TENM3: variants seen among roughly 807,000 people sequenced by gnomAD.
TENM3 encodes the protein teneurin-3.
Under a neutral mutation model 255.1 loss-of-function variants are expected in TENM3, and 63 were observed. That is an observed-to-expected ratio of 0.25 (90% confidence interval 0.20 to 0.30). The LOEUF is 0.30. Ranked by LOEUF, TENM3 falls within the 10% of genes least tolerant of loss-of-function variation. The pLI, the probability that TENM3 is intolerant of heterozygous loss-of-function variation, is 1.00. For synonymous variants in TENM3, 1,306 were observed against 1,322.3 expected, an observed-to-expected ratio of 0.99 and a Z score of 0.27; for missense variants, 2,929 against 3,461.1, an observed-to-expected ratio of 0.85 and a Z score of 3.86.
the TENM3 span, among the ~76,000 whole-genome samples, chr4:181,806,797 C>A: frequency 6.6e-6 from 1 of 152,246 alleles, no homozygotes; most frequent in African/African-American, 2.4e-5. Flanking sequence ...TAAGATACCA[C>A]GTAATAGGAG....
chr4:182,324,897 T>C (rs1437680173), intron 2 of TENM3, among the ~76,000 whole-genome samples: 1 of 152,178 alleles, frequency 6.6e-6, no homozygotes, highest in Non-Finnish European at 1.5e-5. Context: ...TTTTACACTG[T>C]TTTTGGCCTG....
chr4:182,511,407 A>G (rs1204298856), intron 3 of TENM3, among the ~76,000 whole-genome samples: 1 of 152,166 alleles, frequency 6.6e-6, no homozygotes, highest in Non-Finnish European at 1.5e-5. Flanking sequence ...TTATGGAATC[A>G]TGGCAGCTGC....
At chr4:181,843,433 G>A in the TENM3 span, among the ~76,000 whole-genome samples, 1 of 152,150 alleles carries the variant, frequency 6.6e-6, no homozygotes, top group African/African-American at 2.4e-5. Context: ...ACTTCTGTAT[G>A]ATATTGAATC....
At chr4:182,443,089 T>C (rs1772635875) in intron 3 of TENM3, among the ~76,000 whole-genome samples, 1 of 152,124 alleles carries the variant, frequency 6.6e-6, no homozygotes, top group South Asian at 2.1e-4. Flanking sequence ...ATGGTCCAGA[T>C]TGAAGAATTT....
At position 182,792,672 on chromosome 4, in the gene TENM3, T is replaced by TGACA. The variant is rs1406133608; in HGVS notation, c.6002_6005dup (p.Ile2004AlafsTer6). The TGACA allele has an allele frequency of 6.2e-7, 1 of 1,613,858 alleles. No homozygotes were observed. Among genetic ancestry groups the TGACA allele is most frequent in the Non-Finnish European group, 8.5e-7 (1 of 1,179,898 alleles). ...GATACAGGCAAATTGGTCCCCTGAT[T>TGACA]GACAGGCAGATTTTCCGCTTTAGTG... On this transcript the variant is annotated frameshift_variant, in exon 26 of 28. Transcript: ENST00000511685. LOFTEE classifies it high-confidence loss of function. This position sits in a 1 kb window ranked among gnomAD's most constrained non-coding sequence, Gnocchi z 6.3.
At chr4:181,618,522 G>C in the TENM3 span, among the ~76,000 whole-genome samples, 1 of 152,324 alleles carries the variant, frequency 6.6e-6, no homozygotes, top group South Asian at 2.1e-4. Flanking sequence ...TTTGGCCAAA[G>C]ATTTAGGAGG....
intron 13 of TENM3, among the ~76,000 whole-genome samples, chr4:182,726,738 C>A (rs1561164960): frequency 6.6e-6 from 1 of 152,146 alleles, no homozygotes; most frequent in Non-Finnish European, 1.5e-5. Context: ...CTTCAGATGG[C>A]CAAAATGACC....
At chr4:181,765,568 A>G in the TENM3 span, among the ~76,000 whole-genome samples, 2 of 152,218 alleles carry the variant, frequency 1.3e-5, no homozygotes, top group East Asian at 3.9e-4. Context: ...ATGTTGATTC[A>G]AAAAGAAGCA....
chr4:181,858,495 A>C, the TENM3 span, among the ~76,000 whole-genome samples: 3 of 152,206 alleles, frequency 2.0e-5, no homozygotes, highest in Admixed American at 6.5e-5. Context: ...CCAGTGCCGG[A>C]CAATACAAGA....
At chr4:182,702,733 C>T (rs371962182) in intron 12 of TENM3, among the ~76,000 whole-genome samples, 1 of 143,370 alleles carries the variant, frequency 7.0e-6, no homozygotes, top group African/African-American at 2.5e-5. Flanking sequence ...AGCCCACGCT[C>T]TTTTTTTTTT....
chr4:182,400,559 A>G (rs1769151802), intron 3 of TENM3, among the ~76,000 whole-genome samples: 1 of 152,216 alleles, frequency 6.6e-6, no homozygotes, highest in South Asian at 2.1e-4. Context: ...GTTATTTTTA[A>G]GATATAACAT....
the TENM3 span, among the ~76,000 whole-genome samples, chr4:181,976,793 C>T: frequency 6.6e-6 from 1 of 152,102 alleles, no homozygotes. Flanking sequence ...TTTAAATTCA[C>T]GACCTGGAGA....
chr4:181,713,239 G>A, the TENM3 span, among the ~76,000 whole-genome samples: 2 of 152,202 alleles, frequency 1.3e-5, no homozygotes, highest in African/African-American at 4.8e-5. Flanking sequence ...TTGCTACAAA[G>A]AAGAGGTTGA....
chr4:181,830,261 T>A, the TENM3 span, among the ~76,000 whole-genome samples: 2 of 152,106 alleles, frequency 1.3e-5, no homozygotes, highest in East Asian at 3.9e-4. Context: ...CTGCTTTTTT[T>A]GTTTTTTTGT....
chr4:181,664,487 A>AC, the TENM3 span, among the ~76,000 whole-genome samples: 68 of 82,844 alleles, frequency 8.2e-4, no homozygotes, highest in African/African-American at 3.2e-3. Flanking sequence ...AAAAAAAAAC[A>AC]AAACAAAAAA....
chr4:181,929,049 A>T, the TENM3 span, among the ~76,000 whole-genome samples: 2 of 152,156 alleles, frequency 1.3e-5, no homozygotes, highest in African/African-American at 2.4e-5. Context: ...TGGAACGAAA[A>T]ACCGGTACCA....
the TENM3 span, among the ~76,000 whole-genome samples, chr4:181,994,275 G>T: frequency 1.3e-5 from 2 of 152,094 alleles, no homozygotes; most frequent in African/African-American, 2.4e-5. Flanking sequence ...TCAAATTGGG[G>T]TGGGGTAGGG....
chr4:181,674,748 A>G, the TENM3 span, among the ~76,000 whole-genome samples: 23,341 of 152,030 alleles, frequency 0.15, 2,224 homozygotes, highest in East Asian at 0.23. Flanking sequence ...TGCATACTCT[A>G]TTGGTGTTTT....
intron 3 of TENM3, among the ~76,000 whole-genome samples, chr4:182,472,507 A>T (rs1005965668): frequency 6.6e-6 from 1 of 152,172 alleles, no homozygotes; most frequent in African/African-American, 2.4e-5. Flanking sequence ...TTGGATATGT[A>T]AGCTTTTTAA....
Sources: allele counts gnomAD v4.1 joint callset (sites outside exome capture counted in the v4.1 genomes callset), GRCh38; gene constraint gnomAD v4.1.1; non-coding constraint Gnocchi (gnomAD v3.1); transcripts MANE v1.5; gene names NCBI Gene and HGNC (gene_info 2026-07-23, HGNC 2026-07-21).